Variants in TMEM182 observed in about 807,000 individuals in gnomAD.
The protein encoded by TMEM182 is transmembrane protein 182.
In TMEM182, 20 loss-of-function variants were observed where a neutral mutation model predicts 26.8. That is an observed-to-expected ratio of 0.75 (90% CI 0.53 to 1.09). The LOEUF (loss-of-function observed/expected upper bound fraction) is 1.09. Ranked by LOEUF, TMEM182 falls within the 50% of genes least tolerant of loss-of-function variation. The probability of loss-of-function intolerance (pLI) is 0.00; values close to 1 mark genes in which losing one functional copy is unlikely to be tolerated. For synonymous variants in TMEM182, 109 were observed against 102.2 expected (o/e 1.07, Z -0.40); for missense variants, 277 against 275.5 (o/e 1.01, Z -0.04).
At chr2:102,771,887 T>C (rs1327082128) in intron 3 of TMEM182, among the ~76,000 whole-genome samples, 1 of 152,196 alleles carries the variant, frequency 6.6e-6, no homozygotes, top group African/African-American at 2.4e-5. Flanking sequence ...ATCCCAGTTA[T>C]GATAACTAAA....
At chr2:102,767,568 A>G (rs1220199479) in intron 3 of TMEM182, among the ~76,000 whole-genome samples, 1 of 152,174 alleles carries the variant, frequency 6.6e-6, no homozygotes, top group Non-Finnish European at 1.5e-5. Context: ...ATAGCCTTTG[A>G]TGACCCCTCT....
intron 3 of TMEM182, among the ~76,000 whole-genome samples, chr2:102,776,804 T>C (rs547039127): frequency 2.1e-4 from 32 of 152,338 alleles, no homozygotes; most frequent in African/African-American, 7.0e-4. Context: ...TATATCCTTG[T>C]CAGCATTTGG....
intron 1 of TMEM182, among the ~76,000 whole-genome samples, chr2:102,751,703 A>G (rs1004184633): frequency 2.0e-5 from 3 of 152,062 alleles, no homozygotes; most frequent in African/African-American, 7.2e-5. Context: ...TTCTTTTTAG[A>G]GACAGGGTCT....
intron 3 of TMEM182, among the ~76,000 whole-genome samples, chr2:102,773,928 T>G (rs879732207): frequency 2.0e-5 from 3 of 152,180 alleles, no homozygotes; most frequent in Admixed American, 2.0e-4. Flanking sequence ...CAAAAAACTG[T>G]GTATATATGG....
intron 3 of TMEM182, among the ~76,000 whole-genome samples, chr2:102,841,216 G>A (rs1162939212): frequency 6.6e-6 from 1 of 152,118 alleles, no homozygotes; most frequent in Middle Eastern, 3.2e-3. Context: ...ACTGATCTGG[G>A]GCCAGGCTGG....
At chr2:102,832,806 AT>A (rs1683177262) in intron 3 of TMEM182, among the ~76,000 whole-genome samples, 1 of 152,252 alleles carries the variant, frequency 6.6e-6, no homozygotes, top group Admixed American at 6.5e-5. Flanking sequence ...TTGCCCAGGA[AT>A]AAGGTAAACT....
chr2:102,780,581 CCTCTTAGAAGTAGAAGT>C (rs780071817), intron 3 of TMEM182, among the ~76,000 whole-genome samples: 3 of 152,172 alleles, frequency 2.0e-5, no homozygotes, highest in Non-Finnish European at 4.4e-5. Context: ...CTCATTTCTA[CCTCTTAGAAGTAGAAGT>C]CTTAGCACCC....
chr2:102,817,615 A>G lies in TMEM182; in HGVS notation c.*2647A>G. On this transcript the variant is annotated 3_prime_UTR_variant, in exon 5 of 5. Transcript: ENST00000412401. The stretch of plus-strand genomic sequence containing the variant: ...TATTCATTTAGTCATTTTTATTACT[A>G]ATCTATAAATATATTTATTAAATTT... The G allele has an allele frequency of 5.1e-6, 5 of 975,980 alleles. No homozygotes were observed. Among genetic ancestry groups the G allele is most frequent in the Non-Finnish European group, 6.1e-6 (5 of 821,362 alleles). 60.5% of individuals were successfully genotyped at this position (975,980 alleles called of 1,614,324 possible). A position where few individuals can be genotyped will look rare whatever the true frequency, so the allele number is the denominator to read the frequency against.
upstream of TMEM182, among the ~76,000 whole-genome samples, chr2:102,758,882 A>G (rs1333352535): frequency 6.6e-6 from 1 of 152,236 alleles, no homozygotes; most frequent in Non-Finnish European, 1.5e-5. Context: ...GATTTAATGT[A>G]TTGAATACAC....
At chr2:102,746,602 T>G (rs1341448363) in intron 1 of TMEM182, among the ~76,000 whole-genome samples, 1 of 152,146 alleles carries the variant, frequency 6.6e-6, no homozygotes. Flanking sequence ...TACTTATTTT[T>G]TTTTTCTCCA....
chr2:102,739,477 A>G (rs550951547), intron 1 of TMEM182, among the ~76,000 whole-genome samples: 25 of 152,262 alleles, frequency 1.6e-4, no homozygotes, highest in African/African-American at 6.0e-4. Flanking sequence ...TTATTGGATC[A>G]TGGGAGTGGT....
At chr2:102,817,733 G>A (rs372480389), downstream of TMEM182, 1 of 981,904 alleles carries the variant, frequency 1.0e-6, no homozygotes, top group Non-Finnish European at 1.2e-6. Flanking sequence ...CAATATATAT[G>A]GGTGCATGTC....
At chr2:102,823,919 G>C (rs995095914) in intron 3 of TMEM182, among the ~76,000 whole-genome samples, 1 of 152,198 alleles carries the variant, frequency 6.6e-6, no homozygotes, top group African/African-American at 2.4e-5. Flanking sequence ...TATTGCACTA[G>C]AACATTGGAC....
upstream of TMEM182, among the ~76,000 whole-genome samples, chr2:102,760,752 T>A (rs1255503885): frequency 6.6e-6 from 1 of 152,074 alleles, no homozygotes; most frequent in Non-Finnish European, 1.5e-5. Context: ...GTAGCTGGGA[T>A]TACAGGGGCC....
rs77205576 is a variant in TMEM182, at chr2:102,805,724, C to T, written c.469+7724C>T. Among the ~76,000 whole-genome samples, 423 of 152,112 alleles carry T rather than the reference C, an allele frequency of 2.8e-3. 3 individuals are homozygous for T. Among genetic ancestry groups the T allele is most frequent in the East Asian group, 0.015 (77 of 5,170 alleles). ...CATCATTAATCTTTATCCTGAAAGA[C>T]GGTTTTCAGATGTGCAAAGTGAGAA... On this transcript the variant is annotated intron_variant, in intron 4 of 4. Transcript: ENST00000412401.
intron 3 of TMEM182, among the ~76,000 whole-genome samples, chr2:102,835,282 G>A (rs756971792): frequency 1.8e-4 from 27 of 152,098 alleles, no homozygotes; most frequent in Non-Finnish European, 3.1e-4. Flanking sequence ...AATAATAATC[G>A]TGACTCGATT....
rs1473691640 is a variant in TMEM182 at position 102,762,351 on chromosome 2, T to C, written c.132+2T>C. ...GGGAGATGTTCAGGTGAAAAGAATG[T>C]GAGTCTCTTCTTCAAAATAGTGATG... On this transcript the variant is annotated splice_donor_variant, in intron 1 of 4. Transcript: ENST00000412401. LOFTEE classifies it high-confidence loss of function. The C allele has an allele frequency of 6.2e-7, 1 of 1,613,814 alleles. No homozygotes were observed. Among genetic ancestry groups the C allele is most frequent in the Admixed American group, 1.7e-5 (1 of 59,968 alleles).
At position 102,762,064 on chromosome 2, in the gene TMEM182, C is replaced by CAA; in HGVS notation, c.-151_-150dup. On this transcript the variant is annotated 5_prime_UTR_variant, in exon 1 of 5. Transcript: ENST00000412401. Reference sequence around the variant, plus strand: ...CGGTGGGGCGTGAGCGAGAAGCCACCAAAACATGAGCTAGGACAGCCTTCT... The same window carrying CAA: ...CGGTGGGGCGTGAGCGAGAAGCCACCAAAAAACATGAGCTAGGACAGCCTTCT... The CAA allele has an allele frequency of 1.5e-6, 1 of 648,076 alleles. No individual in the cohort carries two copies. Among genetic ancestry groups the CAA allele is most frequent in the South Asian group, 2.0e-5 (1 of 49,410 alleles). 40.1% of individuals were successfully genotyped at this position (648,076 alleles called of 1,614,324 possible).
rs550110132 is a variant in TMEM182 at position 102,831,756 on chromosome 2, A to G, written c.326-11656A>G. On this transcript the variant is annotated intron_variant, in intron 3 of 3. Coordinates refer to the TMEM182 transcript ENST00000486293. ...TGGGCAACAGAGCTAGACTCTGTCT[A>G]AAAAAAAAAAAGAAAAAGAAGAGTG... Among the ~76,000 whole-genome samples the G allele has an allele frequency of 1.2e-3, 167 of 143,904 alleles. 1 individual carries two copies. The highest frequency in any genetic ancestry group is 3.8e-3 in the African/African-American group (152 of 39,706). The allele number at this position is 143,904 out of a possible 152,430, so 94.4% of individuals were successfully genotyped here. A position where few individuals can be genotyped will look rare whatever the true frequency, so the allele number is the denominator to read the frequency against.
Sources: allele counts gnomAD v4.1 joint callset (sites outside exome capture counted in the v4.1 genomes callset), GRCh38; gene constraint gnomAD v4.1.1; transcripts MANE v1.5; gene names NCBI Gene and HGNC (gene_info 2026-07-23, HGNC 2026-07-21).